The following IRF4 variants were observed in gnomAD, a reference collection of about 807,000 sequenced individuals.
IRF4 encodes lymphocyte-specific interferon regulatory factor.
In IRF4, 13 loss-of-function variants were observed where a neutral mutation model predicts 55.5. That is an observed-to-expected ratio of 0.23 (90% CI 0.15 to 0.37). IRF4 has a LOEUF of 0.37. Ranked by LOEUF, IRF4 falls within the 10% of genes least tolerant of loss-of-function variation. The pLI is 1.00. For synonymous variants in IRF4, 249 were observed against 240.7 expected, an observed-to-expected ratio of 1.03 and a Z score of -0.32; for missense variants, 397 against 593.8, an observed-to-expected ratio of 0.67 and a Z score of 3.44.
chr6:404,981 T>G, intron 7 of IRF4, 37 bp from the exon 8 acceptor site: 3 of 1,323,430 alleles, frequency 2.3e-6, no homozygotes, highest in Non-Finnish European at 3.3e-6. Context: ...GTGATGAGGG[T>G]TTCTGAACAT....
intron 7 of IRF4, among the ~76,000 whole-genome samples, chr6:403,024 A>T (rs527986902): frequency 3.9e-5 from 6 of 152,128 alleles, no homozygotes; most frequent in Non-Finnish European, 8.8e-5. Context: ...ACAGAGCGAG[A>T]CTCCATTGCC....
intron 7 of IRF4, among the ~76,000 whole-genome samples, chr6:404,671 A>G (rs1761497494): frequency 1.3e-5 from 2 of 152,234 alleles, no homozygotes; most frequent in Admixed American, 1.3e-4. Flanking sequence ...GTCTTTTGCC[A>G]TTGCGTGACT....
chr6:394,623 C>T (rs1355378223), intron 2 of IRF4, among the ~76,000 whole-genome samples, 198 bp from the exon 3 acceptor site: 1 of 152,146 alleles, frequency 6.6e-6, no homozygotes, highest in Non-Finnish European at 1.5e-5. Context: ...GTGGTGAACA[C>T]CTGTAGGCCG....
rs537988286 is a variant in IRF4 at position 405,791 on chromosome 6, C to G, written c.1212+661C>G. 3.3e-5 allele frequency among the ~76,000 whole-genome samples: 5 copies of G among 152,226 alleles called. No homozygotes were observed. The East Asian group carries it at 9.6e-4, about 29-fold the overall frequency. ...GGGTTAGGATTAGGGTTAGAGTTTT[C>G]TTTTTTATGAGAAAAGGTTTCCATA... On this transcript the variant is annotated intron_variant, in intron 8 of 8. Coordinates refer to ENST00000380956, the MANE Select transcript of IRF4 (RefSeq NM_002460.4).
chr6:397,922 A>G (rs1475787002), intron 5 of IRF4, among the ~76,000 whole-genome samples: 2 of 152,220 alleles, frequency 1.3e-5, no homozygotes, highest in East Asian at 1.9e-4. Flanking sequence ...AGGTCAACAC[A>G]CTGAACCCTT....
intron 6 of IRF4, among the ~76,000 whole-genome samples, chr6:399,404 G>A (rs1481106678): frequency 6.6e-6 from 1 of 151,546 alleles, no homozygotes; most frequent in African/African-American, 2.4e-5. Flanking sequence ...CTAAAACATT[G>A]ATGTGCCTAA....
chr6:392,903 GT>G (rs1761145411), intron 1 of IRF4, among the ~76,000 whole-genome samples, 194 bp from the exon 2 acceptor site: 1 of 151,756 alleles, frequency 6.6e-6, no homozygotes, highest in South Asian at 2.1e-4. Flanking sequence ...GCGGACGGCT[GT>G]GCCCGCCCAG....
intron 4 of IRF4, 22 bp downstream of exon 4, chr6:395,957 T>A: frequency 6.3e-7 from 1 of 1,590,578 alleles, no homozygotes; most frequent in Non-Finnish European, 8.6e-7. Flanking sequence ...GGCACTGGGC[T>A]CCCTGAGGGC....
chr6:392,889 G>A (rs913828060), intron 1 of IRF4, among the ~76,000 whole-genome samples: 11 of 152,106 alleles, frequency 7.2e-5, no homozygotes, highest in African/African-American at 2.7e-4. Context: ...GCCGAGCTCG[G>A]AAGGCGGACG....
intron 1 of IRF4, 110 bp downstream of exon 1, chr6:391,919 G>A: frequency 2.3e-6 from 1 of 444,192 alleles, no homozygotes; most frequent in Non-Finnish European, 4.5e-6. Flanking sequence ...CCCCGGCTTC[G>A]GAGCGGGAAG....
At position 401,521 on chromosome 6, in the gene IRF4, G is replaced by T; in HGVS notation, c.843G>T (p.Thr281=). The T allele has an allele frequency of 6.2e-7, 1 of 1,614,062 alleles. No homozygotes were observed. The highest frequency in any genetic ancestry group is 1.1e-5 in the South Asian group (1 of 91,088). The change falls in exon 7 of 9, where the codon ACG becomes ACT. Residue 281 remains threonine, a synonymous_variant. Transcript: ENST00000380956. ...PEGCRISHGH[T]YDASNLDQVL... ...GCTGCCGGATCTCCCATGGACATAC[G>T]TATGACGCCAGCAACCTGGACCAGG...
intron 2 of IRF4, 71 bp from the exon 3 acceptor site, chr6:394,750 G>C: frequency 6.9e-7 from 1 of 1,448,494 alleles, no homozygotes; most frequent in Non-Finnish European, 9.5e-7. Context: ...GCAGGACTCT[G>C]ATTCCAAAAA....
In IRF4 at chr6:393,149, G is replaced by T; in HGVS notation, c.-4G>T. ...CGGGCGCGGGCGCGGACGGCACGCG[G>T]GGCATGAACCTGGAGGGCGGCGGCC... On this transcript the variant is annotated 5_prime_UTR_variant, in exon 2 of 9. Transcript: ENST00000380956. This position sits in a 1 kb window ranked among gnomAD's most constrained non-coding sequence, Gnocchi z 5.4. 1 of 1,549,020 alleles carries T rather than the reference G, an allele frequency of 6.5e-7. No individual in the cohort carries two copies. Among genetic ancestry groups the T allele is most frequent in the Non-Finnish European group, 8.7e-7 (1 of 1,146,094 alleles).
rs566563707 is a variant in IRF4, at chr6:409,680, G to A, written c.*2082G>A. 4.0e-5 allele frequency: 9 copies of A among 223,602 alleles called. No homozygotes were observed. Among genetic ancestry groups the A allele is most frequent in the African/African-American group, 2.0e-4 (9 of 44,864 alleles). The allele number at this position is 223,602 out of a possible 1,614,324, so 13.9% of individuals were successfully genotyped here. On this transcript the variant is annotated 3_prime_UTR_variant, in exon 9 of 9. Coordinates refer to ENST00000380956, the MANE Select transcript of IRF4 (RefSeq NM_002460.4). ...TCTTATAGATGCAAAGTATTTTGGG[G>A]TATATTATCCTAAGGGAAGATAAAG... is the stretch of plus-strand genomic sequence containing the variant.
At position 405,003 on chromosome 6, in the gene IRF4, T is replaced by C. The variant is rs1403339986; in HGVS notation, c.1100-15T>C. 1 of 1,545,412 alleles carries C rather than the reference T, an allele frequency of 6.5e-7. No homozygotes were observed. ...GGGTTTCTGAACATGGTCTCTTTCT[T>C]GTGGGCTTCTACAGAGCTGCAAGCG... On this transcript the variant is annotated splice_polypyrimidine_tract_variant and intron_variant, in intron 7 of 8. Transcript: ENST00000380956.
chr6:399,046 TG>T, intron 6 of IRF4, 111 bp downstream of exon 6: 1 of 654,542 alleles, frequency 1.5e-6, no homozygotes, highest in Non-Finnish European at 2.6e-6. Flanking sequence ...TTGCTCCCTC[TG>T]GGGTCTGGAG....
intron 1 of IRF4, among the ~76,000 whole-genome samples, chr6:392,242 C>T (rs1761122640): frequency 6.6e-6 from 1 of 152,258 alleles, no homozygotes; most frequent in Non-Finnish European, 1.5e-5. Flanking sequence ...GGGGCCCAAG[C>T]TCACGGCGGC....
Position 391,811 on chromosome 6 carries a change from T to A in IRF4, c.-56+2T>A, listed in dbSNP as rs1761109269. On this transcript the variant is annotated splice_donor_variant, in intron 1 of 8. Transcript: ENST00000380956. LOFTEE classifies it low-confidence loss of function (5UTR_SPLICE). ...CCTCAGCTCCGAGTCCAGGGCGAGG[T>A]AAGGGCTGGAGTCGGGCAGGAGGAG... 1 of 455,058 alleles carries A rather than the reference T, an allele frequency of 2.2e-6. No homozygotes were observed. Among genetic ancestry groups the A allele is most frequent in the Non-Finnish European group, 4.4e-6 (1 of 226,722 alleles). The allele number at this position is 455,058 out of a possible 1,614,324, so 28.2% of individuals were successfully genotyped here.
rs1288259465 is a variant in IRF4, at chr6:407,526, C to T, written c.1284C>T (p.Tyr428=). The change falls in exon 9 of 9, where the codon TAC becomes TAT. Residue 428 remains tyrosine (Y), a synonymous_variant. Coordinates refer to ENST00000380956, the MANE Select transcript of IRF4 (RefSeq NM_002460.4). ...ACAGTGGACATTTCCTGAGGGGCTA[C>T]GATTTACCAGAACACATCAGCAATC... The part of the protein sequence containing the change: ...QQNSGHFLRG[Y]DLPEHISNPE... 6.8e-6 allele frequency: 11 copies of T among 1,612,676 alleles called. No homozygotes were observed. In the Admixed American group the frequency reaches 1.5e-4, roughly 22 times the overall value.
Sources: gnomAD v4.1 joint callset for allele counts (sites outside exome capture counted in the v4.1 genomes callset) on GRCh38, gnomAD v4.1.1 for gene constraint, Gnocchi (gnomAD v3.1) non-coding constraint, MANE v1.5 for transcripts, NCBI Gene and HGNC (gene_info 2026-07-23, HGNC 2026-07-21) for gene names.